Variants in BTN1A1 observed in about 807,000 individuals in gnomAD.
BTN1A1 encodes bK14H9.2 (butyrophilin, subfamily 1, member A1).
BTN1A1 carries 26 observed loss-of-function variants against 33.1 expected under a neutral mutation model. That is an observed-to-expected ratio of 0.79 (90% CI 0.58 to 1.09). The LOEUF (loss-of-function observed/expected upper bound fraction) is 1.09, where lower values mean the gene tolerates loss of function less well. BTN1A1 is among the 50% of genes least tolerant of loss of function. The pLI, the probability that BTN1A1 is intolerant of heterozygous loss-of-function variation, is 0.00. For synonymous variants in BTN1A1, 235 were observed against 256.2 expected, an observed-to-expected ratio of 0.92 and a Z score of 0.79; for missense variants, 558 against 655.7, an observed-to-expected ratio of 0.85 and a Z score of 1.63.
intron 5 of BTN1A1, among the ~76,000 whole-genome samples, 158 bp downstream of exon 5, chr6:26,506,990 G>A (rs899902921): frequency 6.6e-6 from 1 of 152,206 alleles, no homozygotes; most frequent in Non-Finnish European, 1.5e-5. Context: ...GGAAGCCGAG[G>A]TAGGTGGATC....
intron 1 of BTN1A1, among the ~76,000 whole-genome samples, chr6:26,500,944 A>G (rs186427377): frequency 4.3e-4 from 66 of 152,066 alleles, no homozygotes; most frequent in Non-Finnish European, 6.3e-4. Flanking sequence ...TAAAAAGGAG[A>G]CTTTTTTTTT....
In BTN1A1 at chr6:26,501,365, G is replaced by A. The variant is rs1763795643; in HGVS notation, c.79G>A (p.Ala27Thr). The change falls in exon 2 of 8, where the codon GCT (alanine) becomes ACT (threonine). Residue 27 changes from alanine to threonine, a missense_variant and splice_region_variant. By Grantham distance (58) the Ala-to-Thr change is moderately conservative (BLOSUM62 0). Coordinates refer to ENST00000684113, the MANE Select transcript of BTN1A1 (RefSeq NM_001732.3). The surrounding 1 kb of genome is among the most constrained non-coding windows in gnomAD (Gnocchi z 5.2). ...CCTCCAGCTGCCCAAACTGGATTCA[G>A]GTAAGTCTCTCTCTCTCTCTGGGCT... ...ILLQLPKLDS[A>T]PFDVIGPPEP... 1 of 1,612,204 alleles carries A rather than the reference G, an allele frequency of 6.2e-7. No individual in the cohort carries two copies. Among genetic ancestry groups the A allele is most frequent in the Non-Finnish European group, 8.5e-7 (1 of 1,178,410 alleles).
rs2113888371 is a variant in BTN1A1 at position 26,501,230 on chromosome 6, G to A, written c.-57G>A. ...TGTCTCCTGTCCATTCATCTCCTAG[G>A]CTGAAGCTCCTGAGGGGACTCACAT... On this transcript the variant is annotated splice_region_variant and 5_prime_UTR_variant, in exon 2 of 8. Transcript: ENST00000684113. This position sits in a 1 kb window ranked among gnomAD's most constrained non-coding sequence, Gnocchi z 5.2. The A allele has an allele frequency of 1.4e-6, 2 of 1,422,152 alleles. No homozygotes were observed. The highest frequency in any genetic ancestry group is 3.5e-4 in the Middle Eastern group (2 of 5,674). The allele number at this position is 1,422,152 out of a possible 1,614,324, so 88.1% of individuals were successfully genotyped here. A position where few individuals can be genotyped will look rare whatever the true frequency, so the allele number is the denominator to read the frequency against.
At position 26,501,374 on chromosome 6, in the gene BTN1A1, C is replaced by G. The variant is rs757073917; in HGVS notation, c.79+9C>G. ...GCCCAAACTGGATTCAGGTAAGTCTCTCTCTCTCTCTGGGCTGCATAGTTG... is the reference window on the plus strand; with the variant it reads ...GCCCAAACTGGATTCAGGTAAGTCTGTCTCTCTCTCTGGGCTGCATAGTTG... On this transcript the variant is annotated intron_variant, in intron 2 of 7. Coordinates refer to ENST00000684113, the MANE Select transcript of BTN1A1 (RefSeq NM_001732.3). This position sits in a 1 kb window ranked among gnomAD's most constrained non-coding sequence, Gnocchi z 5.2. 1.0e-5 allele frequency: 16 copies of G among 1,601,736 alleles called. No individual in the cohort carries two copies. In the Admixed American group the frequency reaches 2.7e-4, roughly 27 times the overall value.
chr6:26,505,580 G>T (rs986923884), intron 4 of BTN1A1, among the ~76,000 whole-genome samples: 1 of 152,168 alleles, frequency 6.6e-6, no homozygotes, highest in South Asian at 2.1e-4. Flanking sequence ...GCACACCACC[G>T]TGCCCAACTA....
chr6:26,508,825 C>T lies in BTN1A1; in HGVS notation c.1232C>T (p.Thr411Ile), dbSNP rs747221306. ...NGYWALTPLRTPLPLAGPPRR... is the reference protein window; with the variant it reads ...NGYWALTPLRIPLPLAGPPRR... ...TACTGGGCCCTCACTCCTCTCCGGA[C>T]CCCTCTCCCATTGGCAGGGCCCCCA... The change falls in exon 8 of 8, where the codon ACC (threonine) becomes ATC (isoleucine). Residue 411 changes from threonine to isoleucine, a missense_variant. Transcript: ENST00000684113. 1.2e-6 allele frequency: 2 copies of T among 1,614,212 alleles called. No individual in the cohort carries two copies. The highest frequency in any genetic ancestry group is 1.7e-6 in the Non-Finnish European group (2 of 1,180,028).
At chr6:26,507,846 C>A in intron 5 of BTN1A1, 104 bp from the exon 6 acceptor site, 1 of 1,172,816 alleles carries the variant, frequency 8.5e-7, no homozygotes, top group South Asian at 1.3e-5. Flanking sequence ...TTCAAATAGT[C>A]ATGAATTAAA....
chr6:26,500,516 C>T lies in BTN1A1; in HGVS notation c.-58+158C>T, dbSNP rs1010837771. Among the ~76,000 whole-genome samples, 3 of 152,152 alleles carry T rather than the reference C, an allele frequency of 2.0e-5. No homozygotes were observed. In the South Asian group the frequency reaches 6.2e-4, roughly 31 times the overall value. On this transcript the variant is annotated intron_variant, in intron 1 of 7. Transcript: ENST00000684113. ...GCTCCTGCTTCTTGCTCCATCTCCT[C>T]CCATCTTTTCTCTCTTCTCCAATTC...
At chr6:26,506,926 G>A in intron 5 of BTN1A1, 94 bp downstream of exon 5, 1 of 1,465,178 alleles carries the variant, frequency 6.8e-7, no homozygotes, top group Non-Finnish European at 9.3e-7. Context: ...TAGGATGACA[G>A]GAAGATATTT....
rs1336759693 is a variant in BTN1A1 at position 26,506,713 on chromosome 6, T to C, written c.740T>C (p.Ile247Thr). 2 of 1,614,086 alleles carry C rather than the reference T, an allele frequency of 1.2e-6. No homozygotes were observed. Among genetic ancestry groups the C allele is most frequent in the Admixed American group, 3.3e-5 (2 of 60,016 alleles). ...TCCCTCCCAAGGCTGACTCCCTGGATAGTGGCTGTGGCTGTCATCCTGATG... is the reference window on the plus strand; with the variant it reads ...TCCCTCCCAAGGCTGACTCCCTGGACAGTGGCTGTGGCTGTCATCCTGATG... The part of the protein sequence containing the change: ...ASSLPRLTPW[I>T]VAVAVILMVL... Residue 247 changes from isoleucine (I) to threonine (T), a missense_variant, in exon 5 of 8, where the codon ATA (isoleucine) becomes ACA (threonine). Ile to Thr is a moderately conservative substitution (Grantham distance 89). Coordinates refer to ENST00000684113, the MANE Select transcript of BTN1A1 (RefSeq NM_001732.3).
intron 3 of BTN1A1, 103 bp downstream of exon 3, chr6:26,502,040 T>C: frequency 7.2e-7 from 1 of 1,395,094 alleles, no homozygotes; most frequent in Non-Finnish European, 9.3e-7. Context: ...TCAAAATCTC[T>C]TTTAGGTTGA....
chr6:26,506,554 T>G, intron 4 of BTN1A1, 129 bp from the exon 5 acceptor site: 1 of 944,326 alleles, frequency 1.1e-6, no homozygotes, highest in South Asian at 1.7e-5. Context: ...GGAGTGACTA[T>G]TTTTTTGCTA....
At chr6:26,506,656 A>T (rs1561884750) in intron 4 of BTN1A1, 27 bp from the exon 5 acceptor site, 2 of 1,611,498 alleles carry the variant, frequency 1.2e-6, no homozygotes, top group Non-Finnish European at 1.7e-6. Flanking sequence ...TTCTCAACTA[A>T]TGTCCTTCTT....
chr6:26,500,928 A>T (rs1196369832), intron 1 of BTN1A1, among the ~76,000 whole-genome samples: 1 of 152,318 alleles, frequency 6.6e-6, no homozygotes, highest in South Asian at 2.1e-4. Flanking sequence ...TAAATAAATA[A>T]ATAAATAAAA....
rs777109498 is a variant in BTN1A1, at chr6:26,509,047, T to C, written c.1454T>C (p.Ile485Thr). The C allele has an allele frequency of 6.2e-7, 1 of 1,614,194 alleles. No individual in the cohort carries two copies. Reference sequence around the variant, plus strand: ...GATGGGCCTGAGAGGGTCACAGTCATTGCTAATGCCCAGGACCTTTCTAAG... The same window carrying C: ...GATGGGCCTGAGAGGGTCACAGTCACTGCTAATGCCCAGGACCTTTCTAAG... ...IADGPERVTVIANAQDLSKEI... is the reference protein window; with the variant it reads ...IADGPERVTVTANAQDLSKEI... Residue 485 changes from isoleucine (I) to threonine (T), a missense_variant, in exon 8 of 8, where the codon ATT (isoleucine) becomes ACT (threonine). Ile to Thr is a moderately conservative substitution (Grantham distance 89). Coordinates refer to ENST00000684113, the MANE Select transcript of BTN1A1 (RefSeq NM_001732.3).
At chr6:26,506,275 G>A (rs1763869123) in intron 4 of BTN1A1, among the ~76,000 whole-genome samples, 1 of 152,054 alleles carries the variant, frequency 6.6e-6, no homozygotes, top group Non-Finnish European at 1.5e-5. Context: ...ACTGTCTCTG[G>A]TTCAGGCAGA....
rs773705742 is a variant in BTN1A1 at position 26,509,122 on chromosome 6, A to T, written c.1529A>T (p.Asp510Val). Residue 510 changes from aspartate (D) to valine (V), a missense_variant, in exon 8 of 8, where the codon GAC becomes GTC. Transcript: ENST00000684113. ...MGEDSAPRDA[D>V]TLHSKLIPTQ... ...GAGGACTCTGCCCCTAGGGATGCAG[A>T]CACTCTCCATTCTAAGCTAATCCCT... The T allele has an allele frequency of 6.2e-6, 10 of 1,613,816 alleles. No homozygotes were observed. The highest frequency in any genetic ancestry group is 5.3e-5 in the African/African-American group (4 of 74,886).
chr6:26,500,993 C>A (rs1465614361), intron 1 of BTN1A1, among the ~76,000 whole-genome samples: 3 of 152,162 alleles, frequency 2.0e-5, no homozygotes, highest in African/African-American at 7.2e-5. Context: ...GATATGCAAC[C>A]AACTAATGAG....
intron 3 of BTN1A1, 131 bp downstream of exon 3, chr6:26,502,068 G>A: frequency 7.6e-7 from 1 of 1,319,040 alleles, no homozygotes; most frequent in Non-Finnish European, 9.7e-7. Flanking sequence ...GGGGAGGGAC[G>A]ACTATCTGGG....
Sources: allele counts gnomAD v4.1 joint callset (sites outside exome capture counted in the v4.1 genomes callset), GRCh38; gene constraint gnomAD v4.1.1; non-coding constraint Gnocchi (gnomAD v3.1); transcripts MANE v1.5; gene names NCBI Gene and HGNC (gene_info 2026-07-23, HGNC 2026-07-21).